Variants in GRIK2 observed in about 807,000 individuals in gnomAD.
GRIK2 encodes the protein glutamate ionotropic receptor kainate type subunit 2, also known as glutamate receptor ionotropic, kainate 2.
GRIK2 carries 32 observed loss-of-function variants against 100.3 expected under a neutral mutation model. The observed-to-expected ratio is 0.32, with a 90% CI of 0.24 to 0.43. GRIK2 has a LOEUF of 0.43. Among genes scored for constraint, GRIK2 ranks in the 20% least tolerant of loss-of-function variants. The pLI, the probability that GRIK2 is intolerant of heterozygous loss-of-function variation, is 1.00. For synonymous variants in GRIK2, 417 were observed against 389.4 expected (o/e 1.07, Z -0.83); for missense variants, 843 against 1,114.9 (o/e 0.76, Z 3.47).
At chr6:101,411,645 T>A (rs12191385) in intron 2 of GRIK2, among the ~76,000 whole-genome samples, 42,063 of 151,992 alleles carry the variant, frequency 0.28, 6,038 homozygotes, top group African/African-American at 0.38. Flanking sequence ...GATAATCATG[T>A]CTAGATGATG....
At position 101,779,990 on chromosome 6, in the gene GRIK2, G is replaced by C. The variant is rs1778988590; in HGVS notation, c.952-19658G>C. Among the ~76,000 whole-genome samples, 3 of 152,004 alleles carry C rather than the reference G, an allele frequency of 2.0e-5. No individual in the cohort carries two copies. The South Asian group carries it at 6.2e-4, about 32-fold the overall frequency. ...GCTTTTGTCTTGCCTTTGTAGTTTA[G>C]GATGTAAATGACCACAGATTTATCT... On this transcript the variant is annotated intron_variant, in intron 7 of 16. Coordinates refer to ENST00000369134, the MANE Select transcript of GRIK2 (RefSeq NM_021956.5).
intron 7 of GRIK2, among the ~76,000 whole-genome samples, chr6:101,738,647 A>G (rs1469046080): frequency 6.6e-6 from 1 of 152,128 alleles, no homozygotes; most frequent in Non-Finnish European, 1.5e-5. Flanking sequence ...CAAATCTGAC[A>G]TTGTTGACCA....
At chr6:102,050,223 C>T (rs1771098054) in intron 15 of GRIK2, among the ~76,000 whole-genome samples, 1 of 146,876 alleles carries the variant, frequency 6.8e-6, no homozygotes, top group Admixed American at 6.9e-5. Context: ...TTTCATTCTA[C>T]AAGTAAGGTT....
chr6:101,408,354 A>C (rs879648933), intron 2 of GRIK2, among the ~76,000 whole-genome samples: 1 of 151,000 alleles, frequency 6.6e-6, no homozygotes, highest in African/African-American at 2.4e-5. Context: ...ACACACATAC[A>C]CACATGCAGC....
At chr6:101,880,014 A>T (rs1786136804) in intron 11 of GRIK2, among the ~76,000 whole-genome samples, 1 of 152,022 alleles carries the variant, frequency 6.6e-6, no homozygotes, top group Non-Finnish European at 1.5e-5. Flanking sequence ...CTTATTTTAA[A>T]TAACCGACAA....
At chr6:101,440,738 TTACTCA>T (rs1355665032) in intron 2 of GRIK2, among the ~76,000 whole-genome samples, 3 of 152,072 alleles carry the variant, frequency 2.0e-5, no homozygotes, top group African/African-American at 7.2e-5. Flanking sequence ...ATTGACACAT[TTACTCA>T]TATTTCTGTT....
chr6:102,032,062 A>G (rs1770028508), intron 14 of GRIK2, among the ~76,000 whole-genome samples: 1 of 151,282 alleles, frequency 6.6e-6, no homozygotes, highest in South Asian at 2.1e-4. Context: ...GGGGATTATG[A>G]CCATATGTGT....
At chr6:102,036,235 AC>A (rs1474881594) in intron 15 of GRIK2, among the ~76,000 whole-genome samples, 4 of 150,282 alleles carry the variant, frequency 2.7e-5, no homozygotes, top group African/African-American at 9.8e-5. Context: ...AAGTAAACAC[AC>A]ACACACACAC....
At chr6:101,713,235 T>G (rs143171943) in intron 7 of GRIK2, among the ~76,000 whole-genome samples, 91 of 151,820 alleles carry the variant, frequency 6.0e-4, no homozygotes, top group Admixed American at 5.2e-3. Context: ...GCATGGTATC[T>G]GTCATCATTA....
chr6:101,960,053 G>GTTTTTTTTT (rs781532291), intron 14 of GRIK2, among the ~76,000 whole-genome samples: 2 of 131,028 alleles, frequency 1.5e-5, no homozygotes, highest in African/African-American at 2.9e-5. Flanking sequence ...TTAGTGTTTT[G>GTTTTTTTTT]TTTTTTTTTT....
chr6:101,640,597 G>C (rs1310209783), intron 4 of GRIK2, among the ~76,000 whole-genome samples: 3 of 152,042 alleles, frequency 2.0e-5, no homozygotes, highest in Non-Finnish European at 4.4e-5. Flanking sequence ...ATTTGGGAAG[G>C]GGGATGATTT....
intron 3 of GRIK2, among the ~76,000 whole-genome samples, chr6:101,623,147 T>C (rs1780246524): frequency 6.6e-6 from 1 of 152,080 alleles, no homozygotes; most frequent in Non-Finnish European, 1.5e-5. Flanking sequence ...TACATAATTA[T>C]TTATAATTCC....
intron 12 of GRIK2, among the ~76,000 whole-genome samples, chr6:101,919,308 G>T (rs905870390): frequency 2.0e-5 from 3 of 151,786 alleles, no homozygotes; most frequent in African/African-American, 7.2e-5. Flanking sequence ...AAAGTGCAAT[G>T]AAGTCGGTAA....
chr6:101,760,742 T>TTAATTATATTTAATATATAATTATATATA (rs1777594878), intron 7 of GRIK2, among the ~76,000 whole-genome samples: 1 of 132,758 alleles, frequency 7.5e-6, no homozygotes, highest in Non-Finnish European at 1.6e-5. Flanking sequence ...AATTATATAT[T>TTAATTATATTTAATATATAATTATATATA]TAATTATATA....
chr6:101,880,747 C>G (rs923656946), intron 11 of GRIK2, among the ~76,000 whole-genome samples: 26 of 151,604 alleles, frequency 1.7e-4, no homozygotes, highest in African/African-American at 5.8e-4. Flanking sequence ...TCATTTTATT[C>G]CTGGAAAAAC....
chr6:101,396,121 C>G (rs1376226972), intron 1 of GRIK2, among the ~76,000 whole-genome samples: 1 of 151,960 alleles, frequency 6.6e-6, no homozygotes, highest in Non-Finnish European at 1.5e-5. Flanking sequence ...AACCTCAGAA[C>G]TATGATGTGT....
At chr6:101,492,828 C>T (rs1268263405) in intron 2 of GRIK2, among the ~76,000 whole-genome samples, 6 of 151,856 alleles carry the variant, frequency 4.0e-5, no homozygotes, top group African/African-American at 9.7e-5. Flanking sequence ...ATCAGACCTT[C>T]GCAGACTGTG....
intron 4 of GRIK2, among the ~76,000 whole-genome samples, chr6:101,667,949 A>C (rs1770152676): frequency 6.6e-6 from 1 of 152,154 alleles, no homozygotes; most frequent in South Asian, 2.1e-4. Context: ...CTGACATGCA[A>C]GTTAAAACTC....
At chr6:101,566,566 AG>A (rs1408290016) in intron 2 of GRIK2, among the ~76,000 whole-genome samples, 1 of 151,810 alleles carries the variant, frequency 6.6e-6, no homozygotes, top group Admixed American at 6.6e-5. Flanking sequence ...TGTTAATAAA[AG>A]TCAAACTAAG....
Sources: gnomAD v4.1 joint callset for allele counts (sites outside exome capture counted in the v4.1 genomes callset) on GRCh38, gnomAD v4.1.1 for gene constraint, MANE v1.5 for transcripts, NCBI Gene and HGNC (gene_info 2026-07-23, HGNC 2026-07-21) for gene names.